HERC5: variants seen among roughly 807,000 people sequenced by gnomAD.
The protein encoded by HERC5 is E3 ISG15--protein ligase HERC5.
HERC5 carries 99 observed loss-of-function variants against 119.6 expected under a neutral mutation model. The ratio of observed to expected loss-of-function variants is 0.83; its 90% CI spans 0.70 to 0.98. The LOEUF (loss-of-function observed/expected upper bound fraction) is 0.98, where lower values mean the gene tolerates loss of function less well. Ranked by LOEUF, HERC5 falls within the 50% of genes least tolerant of loss-of-function variation. The pLI, the probability that HERC5 is intolerant of heterozygous loss-of-function variation, is 0.00. For missense variants in HERC5, 1,267 were observed against 1,241.3 expected (o/e 1.02, Z -0.31); for synonymous variants, 478 against 445.9 (o/e 1.07, Z -0.91).
intron 4 of HERC5, among the ~76,000 whole-genome samples, chr4:88,463,307 G>C (rs1027874726): frequency 6.6e-6 from 1 of 152,230 alleles, no homozygotes; most frequent in African/African-American, 2.4e-5. Flanking sequence ...GAAGTGGTTT[G>C]ACCCTTTCAC....
Position 88,479,352 on chromosome 4 carries a change from G to T in HERC5, c.1583-1G>T. ...AAATTTGCTTTCCTTGTGTTCCTCA[G>T]AAGAGTATTGGGCAACTCTGCAAGA... is the stretch of plus-strand genomic sequence containing the variant. On this transcript the variant is annotated splice_acceptor_variant, in intron 12 of 22. Transcript: ENST00000264350. LOFTEE classifies it high-confidence loss of function. The T allele has an allele frequency of 1.9e-6, 3 of 1,573,714 alleles. No individual in the cohort carries two copies. The highest frequency in any genetic ancestry group is 2.6e-6 in the Non-Finnish European group (3 of 1,166,260).
At chr4:88,464,893 C>G (rs1462331840) in intron 6 of HERC5, among the ~76,000 whole-genome samples, 1 of 152,184 alleles carries the variant, frequency 6.6e-6, no homozygotes, top group Admixed American at 6.5e-5. Flanking sequence ...GCCTCAGCCT[C>G]CGGAGTAGCT....
chr4:88,481,965 G>A (rs900109405), intron 13 of HERC5, among the ~76,000 whole-genome samples: 4 of 152,142 alleles, frequency 2.6e-5, no homozygotes, highest in Non-Finnish European at 5.9e-5. Context: ...ATGACAGGGA[G>A]GGCCAGGTTT....
At chr4:88,470,778 T>A (rs1018950006) in intron 10 of HERC5, 105 bp downstream of exon 10, 14 of 503,500 alleles carry the variant, frequency 2.8e-5, no homozygotes, top group South Asian at 6.9e-5. Context: ...CATCCCTTTT[T>A]AAAAATTTTT....
chr4:88,467,022 T>C (rs1184498520), intron 6 of HERC5, 37 bp from the exon 7 acceptor site: 1 of 1,605,056 alleles, frequency 6.2e-7, no homozygotes, highest in Admixed American at 1.7e-5. Context: ...TCATTGTGGA[T>C]AATTAAGAAT....
At position 88,493,092 on chromosome 4, in the gene HERC5, C is replaced by A. The variant is rs546685244; in HGVS notation, c.2214C>A (p.Ile738=). 4 of 1,614,020 alleles carry A rather than the reference C, an allele frequency of 2.5e-6. No individual in the cohort carries two copies. The highest frequency in any genetic ancestry group is 3.4e-6 in the Non-Finnish European group (4 of 1,179,958). Residue 738 remains isoleucine, a synonymous_variant, in exon 17 of 23, where the codon ATC becomes ATA. Transcript: ENST00000264350. The part of the protein sequence containing the change: ...EFFYCLFAEM[I]QPEYGMFMYP... Reference sequence around the variant, plus strand: ...TCTACTGTCTGTTTGCAGAGATGATCCAGCCGGAATATGGGATGTTCATGT... The same window carrying A: ...TCTACTGTCTGTTTGCAGAGATGATACAGCCGGAATATGGGATGTTCATGT...
intron 15 of HERC5, among the ~76,000 whole-genome samples, chr4:88,488,328 T>G (rs940488165): frequency 1.3e-5 from 2 of 150,814 alleles, no homozygotes; most frequent in Non-Finnish European, 2.9e-5. Flanking sequence ...ACTTCCTGGG[T>G]TCAAGCGATT....
At chr4:88,504,783 G>A (rs910089299) in intron 22 of HERC5, among the ~76,000 whole-genome samples, 186 bp downstream of exon 22, 1 of 152,108 alleles carries the variant, frequency 6.6e-6, no homozygotes, top group African/African-American at 2.4e-5. Context: ...CTTTTCCCCT[G>A]TGATTTCATC....
intron 18 of HERC5, among the ~76,000 whole-genome samples, chr4:88,496,273 G>A (rs1324406579): frequency 6.6e-6 from 1 of 152,146 alleles, no homozygotes; most frequent in Non-Finnish European, 1.5e-5. Context: ...TTAATCCCAG[G>A]AGGCTTTTTA....
rs1740844738 is a variant in HERC5 at position 88,470,803 on chromosome 4, A to G, written c.1298+130A>G. ...TAAAAATTTTTTTTAACAAAAGTAA[A>G]TATATGTTTGCTGTAGAAAATGTCA... On this transcript the variant is annotated intron_variant, in intron 10 of 22. Coordinates refer to ENST00000264350, the MANE Select transcript of HERC5 (RefSeq NM_016323.4). The G allele has an allele frequency of 6.7e-6, 3 of 446,428 alleles. No homozygotes were observed. In the South Asian group the frequency reaches 1.2e-4, roughly 17 times the overall value. The allele number at this position is 446,428 out of a possible 1,614,324, so 27.7% of individuals were successfully genotyped here.
chr4:88,503,598 A>G (rs1490055615), intron 20 of HERC5, among the ~76,000 whole-genome samples: 1 of 152,194 alleles, frequency 6.6e-6, no homozygotes, highest in Non-Finnish European at 1.5e-5. Flanking sequence ...CTCGGTTGTC[A>G]TTAGTAAATG....
At chr4:88,470,562 A>G (rs535424256) in intron 9 of HERC5, 52 bp from the exon 10 acceptor site, 31 of 874,718 alleles carry the variant, frequency 3.5e-5, no homozygotes, top group Middle Eastern at 2.2e-4. Context: ...AAGAGGCTGT[A>G]TGTATGTATA....
chr4:88,479,925 G>C (rs1297424913), intron 13 of HERC5, among the ~76,000 whole-genome samples: 2 of 152,030 alleles, frequency 1.3e-5, no homozygotes, highest in Non-Finnish European at 2.9e-5. Flanking sequence ...AAATTAGCTG[G>C]GCGTGGTGGC....
chr4:88,475,539 G>A (rs1229532075), intron 11 of HERC5, among the ~76,000 whole-genome samples: 7 of 151,898 alleles, frequency 4.6e-5, no homozygotes, highest in Admixed American at 3.3e-4. Flanking sequence ...AGATGGTCAC[G>A]ATCTCCTGAC....
chr4:88,504,242 G>A lies in HERC5; in HGVS notation c.2593G>A (p.Val865Ile), dbSNP rs776434342. ...TTTGTTTTATTAAAGGAGAGACTAT[G>A]TTTCTAAGTATATCAATTACATTTT... is the stretch of plus-strand genomic sequence containing the variant. ...TVNQTNKRDY[V>I]SKYINYIFND... The change falls in exon 21 of 23, where the codon GTT becomes ATT. Residue 865 changes from valine (V) to isoleucine (I), a missense_variant. Coordinates refer to ENST00000264350, the MANE Select transcript of HERC5 (RefSeq NM_016323.4). 12 of 1,590,838 alleles carry A rather than the reference G, an allele frequency of 7.5e-6. No homozygotes were observed. Among genetic ancestry groups the A allele is most frequent in the East Asian group, 4.5e-5 (2 of 44,428 alleles).
chr4:88,476,581 T>C (rs1049411051), intron 12 of HERC5, among the ~76,000 whole-genome samples: 2 of 152,224 alleles, frequency 1.3e-5, no homozygotes, highest in African/African-American at 4.8e-5. Flanking sequence ...TGAAAATAAG[T>C]TGAAGACATG....
chr4:88,483,348 A>G (rs1292743363), intron 13 of HERC5, among the ~76,000 whole-genome samples: 2 of 151,628 alleles, frequency 1.3e-5, no homozygotes, highest in Non-Finnish European at 2.9e-5. Context: ...AGCTGGGACT[A>G]TAGGCATACA....
chr4:88,477,367 A>G (rs1741112566), intron 12 of HERC5, among the ~76,000 whole-genome samples: 1 of 33,936 alleles, frequency 2.9e-5, no homozygotes, highest in Admixed American at 2.5e-4. Flanking sequence ...GGGGAAGGGA[A>G]AGGGAAGGTG....
intron 18 of HERC5, among the ~76,000 whole-genome samples, chr4:88,499,010 T>A (rs1024205193): frequency 3.3e-5 from 5 of 152,200 alleles, no homozygotes; most frequent in African/African-American, 1.2e-4. Context: ...TACAGTAATT[T>A]AAAAACCCAG....
Sources: allele counts gnomAD v4.1 joint callset (sites outside exome capture counted in the v4.1 genomes callset), GRCh38; gene constraint gnomAD v4.1.1; transcripts MANE v1.5; gene names NCBI Gene and HGNC (gene_info 2026-07-23, HGNC 2026-07-21).